The following FRY variants were observed in gnomAD, a reference collection of about 807,000 sequenced individuals.
The protein encoded by FRY is protein furry homolog.
In FRY, 128 loss-of-function variants were observed where a neutral mutation model predicts 348.4. The observed-to-expected ratio is 0.37, with a 90% CI of 0.32 to 0.43. The LOEUF is 0.43. FRY is among the 20% of genes least tolerant of loss of function. The probability of loss-of-function intolerance (pLI) is 1.00; values close to 1 mark genes in which losing one functional copy is unlikely to be tolerated. For synonymous variants in FRY, 1,370 were observed against 1,374.7 expected, an observed-to-expected ratio of 1.00 and a Z score of 0.08; for missense variants, 2,736 against 3,695.2, an observed-to-expected ratio of 0.74 and a Z score of 6.73.
intron 3 of FRY, among the ~76,000 whole-genome samples, chr13:32,105,911 A>T (rs1333358514): frequency 6.6e-6 from 1 of 151,932 alleles, no homozygotes; most frequent in African/African-American, 2.4e-5. Flanking sequence ...CCAGCCCATG[A>T]TTCATTTTCT....
intron 28 of FRY, among the ~76,000 whole-genome samples, chr13:32,190,168 TG>T (rs1309391923): frequency 6.6e-6 from 1 of 151,070 alleles, no homozygotes; most frequent in Non-Finnish European, 1.5e-5. Flanking sequence ...AAAGGCACCT[TG>T]AAAAAAAAAA....
intron 56 of FRY, 82 bp from the exon 57 acceptor site, chr13:32,276,382 A>C: frequency 1.2e-6 from 1 of 810,010 alleles, no homozygotes; most frequent in Non-Finnish European, 2.2e-6. Context: ...AGCACTTCTA[A>C]ATATACTTCT....
intron 35 of FRY, among the ~76,000 whole-genome samples, chr13:32,215,449 CAG>C (rs1566139452): frequency 6.6e-6 from 1 of 152,006 alleles, no homozygotes. Context: ...GAAAATGTAA[CAG>C]AAAGTACACC....
chr13:32,277,288 C>T (rs1326664732), intron 57 of FRY, among the ~76,000 whole-genome samples: 1 of 152,160 alleles, frequency 6.6e-6, no homozygotes, highest in African/African-American at 2.4e-5. Context: ...AAGTGACTTG[C>T]CGTCTCTCAT....
intron 1 of FRY, among the ~76,000 whole-genome samples, chr13:32,057,820 T>C (rs1176069323): frequency 1.3e-5 from 2 of 151,908 alleles, no homozygotes; most frequent in African/African-American, 4.8e-5. Context: ...ATTAGCCGAG[T>C]GTGGTGGCGG....
chr13:32,284,250 AATC>A (rs1329384372), intron 58 of FRY, among the ~76,000 whole-genome samples: 3 of 152,176 alleles, frequency 2.0e-5, no homozygotes, highest in Admixed American at 2.0e-4. Context: ...CTTATATTCA[AATC>A]ATCATTCTGT....
At chr13:32,248,988 G>A (rs116263240) in intron 48 of FRY, among the ~76,000 whole-genome samples, 38 of 152,296 alleles carry the variant, frequency 2.5e-4, no homozygotes, top group East Asian at 9.7e-4. Flanking sequence ...TTGAGTTTGC[G>A]AATTGCTGCC....
In FRY at chr13:32,298,419, G is replaced by A. The variant is rs1343177975; in HGVS notation, c.*2959G>A. 1.3e-5 allele frequency: 2 copies of A among 152,138 alleles called. No homozygotes were observed. The highest frequency in any genetic ancestry group is 2.4e-5 in the African/African-American group (1 of 41,414). 9.4% of individuals were successfully genotyped at this position (152,138 alleles called of 1,614,324 possible). A position where few individuals can be genotyped will look rare whatever the true frequency, so the allele number is the denominator to read the frequency against. ...TTTGTTTGAGATCAATTAATATTTG[G>A]ATACCTATCATGACCCAGGATATTT... On this transcript the variant is annotated 3_prime_UTR_variant, in exon 61 of 61. Transcript: ENST00000542859.
intron 2 of FRY, among the ~76,000 whole-genome samples, chr13:32,094,029 A>T (rs533093586): frequency 9.8e-5 from 15 of 152,334 alleles, no homozygotes; most frequent in Non-Finnish European, 2.1e-4. Context: ...TGCCATAATC[A>T]GTTTCCACTT....
At chr13:32,150,922 T>A (rs1378558027) in intron 14 of FRY, among the ~76,000 whole-genome samples, 1 of 152,040 alleles carries the variant, frequency 6.6e-6, no homozygotes, top group African/African-American at 2.4e-5. Context: ...AAAATGGGAG[T>A]TTCTGTCTGG....
chr13:32,150,283 C>A (rs566419497), intron 14 of FRY, among the ~76,000 whole-genome samples: 20 of 152,180 alleles, frequency 1.3e-4, no homozygotes, highest in Non-Finnish European at 2.9e-4. Context: ...GACAGCATCC[C>A]AACTCCAGGG....
intron 1 of FRY, among the ~76,000 whole-genome samples, chr13:32,074,857 C>A (rs1241245722): frequency 6.6e-6 from 1 of 152,094 alleles, no homozygotes; most frequent in Non-Finnish European, 1.5e-5. Context: ...GAAGGCTGAC[C>A]CTTGGGGCAG....
intron 4 of FRY, among the ~76,000 whole-genome samples, chr13:32,123,876 G>A (rs1424675717): frequency 6.6e-6 from 1 of 152,170 alleles, no homozygotes; most frequent in Non-Finnish European, 1.5e-5. Flanking sequence ...TGCCTCCCAG[G>A]CTGGAGTGCA....
chr13:32,039,105 C>T (rs1190827324), intron 1 of FRY, among the ~76,000 whole-genome samples: 2 of 152,152 alleles, frequency 1.3e-5, no homozygotes, highest in East Asian at 3.8e-4. Context: ...TTGATAGATT[C>T]TGTTGACTTT....
chr13:32,234,962 A>G (rs535195307), intron 42 of FRY, among the ~76,000 whole-genome samples: 108 of 152,302 alleles, frequency 7.1e-4, no homozygotes, highest in Middle Eastern at 3.4e-3. Context: ...TTCAGTGGAT[A>G]TTATCTCTTT....
intron 1 of FRY, among the ~76,000 whole-genome samples, chr13:32,068,229 G>A (rs1023822273): frequency 9.2e-5 from 14 of 151,822 alleles, no homozygotes; most frequent in Admixed American, 2.6e-4. Flanking sequence ...GATATTTTGC[G>A]GCATAAAATG....
intron 1 of FRY, among the ~76,000 whole-genome samples, chr13:32,037,247 G>GT (rs760506423): frequency 5.9e-5 from 9 of 152,168 alleles, no homozygotes; most frequent in African/African-American, 9.7e-5. Context: ...CATTTCTTCT[G>GT]TTAGGAGTAT....
intron 58 of FRY, among the ~76,000 whole-genome samples, chr13:32,283,434 A>G (rs1888909579): frequency 6.6e-6 from 1 of 152,210 alleles, no homozygotes; most frequent in Non-Finnish European, 1.5e-5. Context: ...TAAGTCCTCA[A>G]AATGAAGAAT....
intron 3 of FRY, 38 bp from the exon 4 acceptor site, chr13:32,117,296 G>A (rs1298131398): frequency 1.3e-5 from 21 of 1,607,078 alleles, no homozygotes; most frequent in Non-Finnish European, 1.8e-5. Flanking sequence ...AATTGGCAGT[G>A]CTACCAGTGT....
Sources: gnomAD v4.1 joint callset for allele counts (sites outside exome capture counted in the v4.1 genomes callset) on GRCh38, gnomAD v4.1.1 for gene constraint, MANE v1.5 for transcripts, NCBI Gene and HGNC (gene_info 2026-07-23, HGNC 2026-07-21) for gene names.